Variants in LATS2 observed in about 807,000 individuals in gnomAD.
LATS2 encodes the protein large tumor suppressor kinase 2, also known as serine/threonine-protein kinase LATS2.
A neutral mutation model predicts 76.0 loss-of-function variants in LATS2; 24 were observed. The ratio of observed to expected loss-of-function variants is 0.32; its 90% confidence interval spans 0.23 to 0.44. The LOEUF (loss-of-function observed/expected upper bound fraction) is 0.44. Ranked by LOEUF, LATS2 falls within the 20% of genes least tolerant of loss-of-function variation. The pLI, the probability that LATS2 is intolerant of heterozygous loss-of-function variation, is 1.00. For synonymous variants in LATS2, 692 were observed against 635.4 expected, an observed-to-expected ratio of 1.09 and a Z score of -1.34; for missense variants, 1,286 against 1,481.2, an observed-to-expected ratio of 0.87 and a Z score of 2.16.
At chr13:21,005,995 C>T (rs1476858545) in intron 2 of LATS2, among the ~76,000 whole-genome samples, 4 of 151,368 alleles carry the variant, frequency 2.6e-5, no homozygotes, top group African/African-American at 7.3e-5. Flanking sequence ...TGTCTGTAAT[C>T]GAGTGGTGGC....
chr13:21,032,487 G>C (rs1017485094), intron 2 of LATS2, among the ~76,000 whole-genome samples: 6 of 152,134 alleles, frequency 3.9e-5, no homozygotes, highest in African/African-American at 1.2e-4. Context: ...GGCTGGTCTG[G>C]AACTCCTGGC....
intron 2 of LATS2, among the ~76,000 whole-genome samples, chr13:20,998,126 G>A (rs888372641): frequency 6.6e-6 from 1 of 152,106 alleles, no homozygotes; most frequent in African/African-American, 2.4e-5. Context: ...GGCTTTGGGA[G>A]GCCAAGGTAG....
At chr13:21,006,220 A>C (rs1193022002) in intron 2 of LATS2, among the ~76,000 whole-genome samples, 2 of 151,888 alleles carry the variant, frequency 1.3e-5, no homozygotes, top group Non-Finnish European at 2.9e-5. Flanking sequence ...AAAAAAAAAA[A>C]ATCACAGCAA....
chr13:21,004,691 C>T (rs555694526), intron 2 of LATS2, among the ~76,000 whole-genome samples: 2 of 152,306 alleles, frequency 1.3e-5, no homozygotes, highest in African/African-American at 4.8e-5. Context: ...TCTAATAGCA[C>T]CATGGGGCTG....
rs1412243211 is a variant in LATS2, at chr13:21,046,040, T to C, written c.-14A>G. The C allele has an allele frequency of 1.9e-6, 3 of 1,568,764 alleles. No individual in the cohort carries two copies. The highest frequency in any genetic ancestry group is 2.7e-5 in the African/African-American group (2 of 73,512). ...CTTTGGCCTCATTGTTAGTCCAGTT[T>C]CCTTTTACCATAAATACAATCTTCT... On this transcript the variant is annotated 5_prime_UTR_variant, in exon 2 of 8. Coordinates refer to ENST00000382592, the MANE Select transcript of LATS2 (RefSeq NM_014572.3).
chr13:21,028,449 ATTTAT>A (rs1872398823), intron 2 of LATS2, among the ~76,000 whole-genome samples: 1 of 152,014 alleles, frequency 6.6e-6, no homozygotes, highest in Non-Finnish European at 1.5e-5. Context: ...ATACCCAGTA[ATTTAT>A]TTTGATATTT....
chr13:21,042,760 G>GGGC (rs554182417), intron 2 of LATS2, among the ~76,000 whole-genome samples: 8 of 147,778 alleles, frequency 5.4e-5, no homozygotes, highest in Non-Finnish European at 1.2e-4. Context: ...AGGCCTAAGA[G>GGGC]GGCGGATCAC....
intron 3 of LATS2, among the ~76,000 whole-genome samples, chr13:20,989,918 C>G (rs910945856): frequency 8.5e-5 from 13 of 152,220 alleles, no homozygotes; most frequent in Admixed American, 3.9e-4. Flanking sequence ...CTGCTGCTAC[C>G]TTAATCCTGA....
chr13:21,024,417 C>A (rs1352449664), intron 2 of LATS2, among the ~76,000 whole-genome samples: 7 of 152,082 alleles, frequency 4.6e-5, no homozygotes, highest in Non-Finnish European at 7.4e-5. Context: ...GCCTGGGCGA[C>A]AGAGTGAGAC....
chr13:21,054,149 C>T (rs1446768801), intron 1 of LATS2, among the ~76,000 whole-genome samples: 1 of 152,108 alleles, frequency 6.6e-6, no homozygotes, highest in Non-Finnish European at 1.5e-5. Context: ...CAATGGCTCC[C>T]TTTTTAAACA....
chr13:20,984,201 A>G (rs1363623269), intron 4 of LATS2, among the ~76,000 whole-genome samples: 1 of 152,190 alleles, frequency 6.6e-6, no homozygotes, highest in African/African-American at 2.4e-5. Flanking sequence ...CCCAAAGTGC[A>G]GGGATTACAG....
intron 2 of LATS2, among the ~76,000 whole-genome samples, chr13:21,029,791 A>T (rs1302318931): frequency 2.0e-5 from 3 of 152,016 alleles, no homozygotes; most frequent in East Asian, 3.9e-4. Flanking sequence ...ACTCTGTCTC[A>T]AAAAAGAAAA....
intron 7 of LATS2, among the ~76,000 whole-genome samples, chr13:20,978,812 A>C (rs780495811): frequency 4.6e-5 from 7 of 152,080 alleles, no homozygotes; most frequent in Non-Finnish European, 8.8e-5. Context: ...CCCAGGCTGG[A>C]CTGCAGTGGT....
rs1435390795 is a variant in LATS2 at position 20,974,160 on chromosome 13, G to T, written c.*710C>A. 4.4e-6 allele frequency: 1 copy of T among 228,162 alleles called. No individual in the cohort carries two copies. Among genetic ancestry groups the T allele is most frequent in the Non-Finnish European group, 8.7e-6 (1 of 114,870 alleles). 14.1% of individuals were successfully genotyped at this position (228,162 alleles called of 1,614,324 possible). A position where few individuals can be genotyped will look rare whatever the true frequency, so the allele number is the denominator to read the frequency against. Reference sequence around the variant, plus strand: ...ACACTCAGTAAAAACGTATTCACAGGACCTGCTGTGAATGGCAAGATATGG... The same window carrying T: ...ACACTCAGTAAAAACGTATTCACAGTACCTGCTGTGAATGGCAAGATATGG... On this transcript the variant is annotated 3_prime_UTR_variant, in exon 8 of 8. Coordinates refer to ENST00000382592, the MANE Select transcript of LATS2 (RefSeq NM_014572.3).
intron 1 of LATS2, among the ~76,000 whole-genome samples, chr13:21,054,688 A>G (rs1873393438): frequency 1.3e-5 from 2 of 152,054 alleles, no homozygotes; most frequent in African/African-American, 4.8e-5. Context: ...TTCTATGTCG[A>G]TGTCTGTTTA....
chr13:21,030,613 A>AAAAAAAAAAAAAAAAAAG (rs1565960105), intron 2 of LATS2, among the ~76,000 whole-genome samples: 10 of 19,506 alleles, frequency 5.1e-4, no homozygotes, highest in African/African-American at 9.5e-4. Flanking sequence ...AAAAAAAAAG[A>AAAAAAAAAAAAAAAAAAG]AAAAAAAAAA....
chr13:21,057,179 A>G lies in LATS2; in HGVS notation c.-205+4167T>C, dbSNP rs1422798911. Among the ~76,000 whole-genome samples, 19 of 152,314 alleles carry G rather than the reference A, an allele frequency of 1.2e-4. No homozygotes were observed. In the East Asian group the frequency reaches 3.7e-3, roughly 29 times the overall value. On this transcript the variant is annotated intron_variant, in intron 1 of 7. Transcript: ENST00000382592. The stretch of plus-strand genomic sequence containing the variant: ...CTTAAGATCCTTACCATCCTAACTG[A>G]TCAAGGGTCTATAGGATCTAAACTA...
At chr13:21,004,632 T>C (rs1871192803) in intron 2 of LATS2, among the ~76,000 whole-genome samples, 1 of 152,188 alleles carries the variant, frequency 6.6e-6, no homozygotes, top group Non-Finnish European at 1.5e-5. Context: ...CCTGGCCCCC[T>C]GCCTCCAACC....
intron 2 of LATS2, among the ~76,000 whole-genome samples, chr13:21,036,416 T>C (rs1014320975): frequency 2.0e-5 from 3 of 152,144 alleles, no homozygotes; most frequent in African/African-American, 7.2e-5. Flanking sequence ...GAGAGCTTTC[T>C]AGTACTTAAA....
Sources: gnomAD v4.1 joint callset for allele counts (sites outside exome capture counted in the v4.1 genomes callset) on GRCh38, gnomAD v4.1.1 for gene constraint, MANE v1.5 for transcripts, NCBI Gene and HGNC (gene_info 2026-07-23, HGNC 2026-07-21) for gene names.